Variants in SYT2 observed in about 807,000 individuals in gnomAD.
The protein encoded by SYT2 is synaptotagmin 2.
In SYT2, 15 loss-of-function variants were observed where a neutral mutation model predicts 39.9. The observed-to-expected ratio is 0.38, with a 90% CI of 0.25 to 0.58. The LOEUF (loss-of-function observed/expected upper bound fraction) is 0.58, where lower values mean the gene tolerates loss of function less well. Ranked by LOEUF, SYT2 falls within the 20% of genes least tolerant of loss-of-function variation. The probability of loss-of-function intolerance (pLI) is 0.70; values close to 1 mark genes in which losing one functional copy is unlikely to be tolerated. For missense variants in SYT2, 389 were observed against 530.3 expected (o/e 0.73, Z 2.62); for synonymous variants, 181 against 204.5 (o/e 0.89, Z 0.98).
chr1:202,609,642 G>A (rs1690828958), intron 1 of SYT2, among the ~76,000 whole-genome samples: 1 of 152,226 alleles, frequency 6.6e-6, no homozygotes, highest in South Asian at 2.1e-4. Flanking sequence ...GATGGCCAGT[G>A]ATGATGAGCA....
rs992155660 is a variant in SYT2 at position 202,596,600 on chromosome 1, G to A, written c.*157C>T. 2 of 692,020 alleles carry A rather than the reference G, an allele frequency of 2.9e-6. No individual in the cohort carries two copies. The highest frequency in any genetic ancestry group is 4.7e-6 in the Non-Finnish European group (2 of 425,668). The allele number at this position is 692,020 out of a possible 1,614,324, so 42.9% of individuals were successfully genotyped here. On this transcript the variant is annotated 3_prime_UTR_variant, in exon 9 of 9. Transcript: ENST00000367268. ...CTCCTCACACAGCCATCAAAGGGAA[G>A]TTGGTCTTTAAAAAGAGAAAAACAA...
At chr1:202,691,390 G>A (rs1256180519) in intron 1 of SYT2, among the ~76,000 whole-genome samples, 2 of 152,076 alleles carry the variant, frequency 1.3e-5, no homozygotes, top group African/African-American at 2.4e-5. Flanking sequence ...GCTCACACCT[G>A]TAATCCCAGC....
At chr1:202,657,826 C>G (rs1279508474) in intron 1 of SYT2, among the ~76,000 whole-genome samples, 4 of 151,968 alleles carry the variant, frequency 2.6e-5, no homozygotes, top group African/African-American at 9.7e-5. Context: ...GGGGTCAGGG[C>G]CCTGCGGAGA....
intron 1 of SYT2, among the ~76,000 whole-genome samples, chr1:202,620,531 A>T (rs1162183278): frequency 6.6e-6 from 1 of 151,934 alleles, no homozygotes; most frequent in Non-Finnish European, 1.5e-5. Context: ...TGAGTATCAA[A>T]AAGAATGCTC....
intron 1 of SYT2, among the ~76,000 whole-genome samples, chr1:202,631,215 G>C (rs901413624): frequency 1.3e-5 from 2 of 152,192 alleles, no homozygotes; most frequent in Non-Finnish European, 2.9e-5. Flanking sequence ...GCATGGGTGA[G>C]CATCTGTGGC....
At chr1:202,680,049 G>A (rs142652012) in intron 1 of SYT2, among the ~76,000 whole-genome samples, 40 of 152,222 alleles carry the variant, frequency 2.6e-4, no homozygotes, top group African/African-American at 8.2e-4. Context: ...ATCCCATATC[G>A]CTGTACTGAA....
chr1:202,605,385 T>G, intron 2 of SYT2: 1 of 436,328 alleles, frequency 2.3e-6, no homozygotes, highest in Non-Finnish European at 4.1e-6. Context: ...CCCTGAGAAG[T>G]TGACGCACAT....
At chr1:202,619,388 G>C (rs1691142867) in intron 1 of SYT2, among the ~76,000 whole-genome samples, 2 of 152,192 alleles carry the variant, frequency 1.3e-5, no homozygotes, top group Admixed American at 1.3e-4. Context: ...GGGGAGAGAT[G>C]CCTGCTCCCA....
At chr1:202,676,080 C>T (rs547964809) in intron 1 of SYT2, among the ~76,000 whole-genome samples, 15 of 152,312 alleles carry the variant, frequency 9.8e-5, no homozygotes, top group African/African-American at 3.6e-4. Flanking sequence ...TCACTAAGGC[C>T]ACCGCCTTTC....
chr1:202,662,040 T>C (rs1692392135), intron 1 of SYT2, among the ~76,000 whole-genome samples: 1 of 152,198 alleles, frequency 6.6e-6, no homozygotes, highest in Non-Finnish European at 1.5e-5. Context: ...CAATGCAATG[T>C]ACAACGTATG....
chr1:202,616,544 C>G (rs1691043382), intron 1 of SYT2, among the ~76,000 whole-genome samples: 1 of 152,166 alleles, frequency 6.6e-6, no homozygotes, highest in African/African-American at 2.4e-5. Context: ...ACATGGTCCC[C>G]ATTTCGTCAC....
chr1:202,634,872 T>G (rs1191277421), intron 1 of SYT2, among the ~76,000 whole-genome samples: 1 of 152,138 alleles, frequency 6.6e-6, no homozygotes, highest in African/African-American at 2.4e-5. Flanking sequence ...TGGCTAAGGC[T>G]GGGAGGAATG....
chr1:202,696,907 C>T (rs1226929907), intron 1 of SYT2, among the ~76,000 whole-genome samples: 2 of 152,268 alleles, frequency 1.3e-5, no homozygotes, highest in Non-Finnish European at 2.9e-5. Flanking sequence ...TATCTGCCTT[C>T]ATCCATACCT....
intron 1 of SYT2, among the ~76,000 whole-genome samples, chr1:202,678,295 A>C (rs979122241): frequency 1.3e-5 from 2 of 151,340 alleles, no homozygotes; most frequent in African/African-American, 2.4e-5. Flanking sequence ...AAAAAAAAAA[A>C]AAAAAACTAA....
intron 1 of SYT2, among the ~76,000 whole-genome samples, chr1:202,631,861 C>G (rs1691602784): frequency 6.6e-6 from 1 of 152,150 alleles, no homozygotes; most frequent in African/African-American, 2.4e-5. Context: ...CAGCGCTGAC[C>G]TAGATGAAAT....
At chr1:202,662,322 G>C (rs890455610) in intron 1 of SYT2, among the ~76,000 whole-genome samples, 1 of 152,216 alleles carries the variant, frequency 6.6e-6, no homozygotes, top group African/African-American at 2.4e-5. Context: ...TCCTAAAGAC[G>C]CAGAGATTAC....
At chr1:202,703,850 A>G (rs1457791837) in intron 1 of SYT2, among the ~76,000 whole-genome samples, 1 of 152,110 alleles carries the variant, frequency 6.6e-6, no homozygotes, top group Non-Finnish European at 1.5e-5. Flanking sequence ...AGTTACAACC[A>G]CTTACACCCT....
chr1:202,699,362 G>C (rs558752072), intron 1 of SYT2, among the ~76,000 whole-genome samples: 56 of 152,254 alleles, frequency 3.7e-4, no homozygotes, highest in Non-Finnish European at 7.4e-4. Context: ...GCTCTAGAGA[G>C]AGTCCCACAA....
intron 1 of SYT2, among the ~76,000 whole-genome samples, chr1:202,642,067 C>T (rs1229018234): frequency 5.3e-5 from 8 of 152,182 alleles, no homozygotes; most frequent in Non-Finnish European, 8.8e-5. Context: ...GTGGGCAACA[C>T]CTGCAGGGTG....
Sources: gnomAD v4.1 joint callset for allele counts (sites outside exome capture counted in the v4.1 genomes callset) on GRCh38, gnomAD v4.1.1 for gene constraint, MANE v1.5 for transcripts, NCBI Gene and HGNC (gene_info 2026-07-23, HGNC 2026-07-21) for gene names.